The following IPO5 variants were observed in gnomAD, a reference collection of about 807,000 sequenced individuals.
IPO5 encodes importin 5.
In IPO5, 18 loss-of-function variants were observed where a neutral mutation model predicts 143.3. That is an observed-to-expected ratio of 0.13 (90% CI 0.09 to 0.19). IPO5 has a LOEUF of 0.19. Among genes scored for constraint, IPO5 ranks in the 10% least tolerant of loss-of-function variants. IPO5 has a pLI of 1.00. For missense variants in IPO5, 1,013 were observed against 1,336.9 expected (o/e 0.76, Z 3.78); for synonymous variants, 477 against 465.7 (o/e 1.02, Z -0.31).
At chr13:97,994,901 A>G (rs906025753) in intron 11 of IPO5, among the ~76,000 whole-genome samples, 4 of 152,122 alleles carry the variant, frequency 2.6e-5, no homozygotes, top group Non-Finnish European at 5.9e-5. Context: ...CAAGGTGGGT[A>G]AATTATGTGA....
chr13:97,993,245 A>C lies in IPO5; in HGVS notation c.913+20A>C. 6.2e-7 allele frequency: 1 copy of C among 1,611,022 alleles called. No individual in the cohort carries two copies. Among genetic ancestry groups the C allele is most frequent in the Non-Finnish European group, 8.5e-7 (1 of 1,178,814 alleles). ...AGACTAGTAAGTCAATGGTCTTCAG[A>C]TAGTTTATGTGTATTGTGGCCAAAT... On this transcript the variant is annotated intron_variant, in intron 11 of 28. Transcript: ENST00000651721.
chr13:98,008,026 T>G, intron 17 of IPO5, 33 bp from the exon 18 acceptor site: 1 of 1,398,986 alleles, frequency 7.1e-7, no homozygotes, highest in South Asian at 1.2e-5. Flanking sequence ...AAATTCGGTA[T>G]CAACAAGTGT....
intron 3 of IPO5, among the ~76,000 whole-genome samples, chr13:97,972,956 A>G (rs932984048): frequency 2.0e-5 from 3 of 151,164 alleles, no homozygotes; most frequent in Non-Finnish European, 4.4e-5. Flanking sequence ...ACCTTCCACC[A>G]TTTGATCTCC....
In IPO5 at chr13:98,002,904, A is replaced by G. The variant is rs1318893484; in HGVS notation, c.1364A>G (p.Asn455Ser). 4 of 1,613,944 alleles carry G rather than the reference A, an allele frequency of 2.5e-6. No homozygotes were observed. The highest frequency in any genetic ancestry group is 3.4e-6 in the Non-Finnish European group (4 of 1,179,906). Residue 455 changes from asparagine to serine, a missense_variant, in exon 16 of 29, where the codon AAT (asparagine) becomes AGT (serine). Asn to Ser is a conservative substitution (Grantham distance 46, BLOSUM62 1). This residue lies in a region of IPO5 where 685 missense variants were observed against 994.9 expected (regional missense o/e 0.69). Transcript: ENST00000651721. ...CTGCAGACCATGGAAGACCAAGGCA[A>G]TCAACGTGTGCAGGCCCATGCAGCT... ...ALLQTMEDQG[N>S]QRVQAHAAAA...
chr13:97,989,137 T>A lies in IPO5; in HGVS notation c.440T>A (p.Leu147Gln). Residue 147 changes from leucine to glutamine, a missense_variant, in exon 7 of 29, where the codon CTG (leucine) becomes CAG (glutamine). Coordinates refer to ENST00000651721, the MANE Select transcript of IPO5 (RefSeq NM_002271.6). ...TCAGTCAGCTCTCAAAATGTGGGACTGCGGGAAGCTGCCCTTCACATTTTC... is the reference window on the plus strand; with the variant it reads ...TCAGTCAGCTCTCAAAATGTGGGACAGCGGGAAGCTGCCCTTCACATTTTC... Reference protein sequence around the residue: ...FDSVSSQNVGLREAALHIFWN... With the variant: ...FDSVSSQNVGQREAALHIFWN... 1 of 1,611,438 alleles carries A rather than the reference T, an allele frequency of 6.2e-7. No individual in the cohort carries two copies. Among genetic ancestry groups the A allele is most frequent in the Non-Finnish European group, 8.5e-7 (1 of 1,177,596 alleles).
chr13:97,967,621 A>C (rs1013034843), intron 2 of IPO5, among the ~76,000 whole-genome samples: 4 of 151,688 alleles, frequency 2.6e-5, no homozygotes, highest in African/African-American at 9.7e-5. Flanking sequence ...ATTCATCTGA[A>C]AGTATTTTCT....
At chr13:97,988,978 A>G in intron 6 of IPO5, 84 bp from the exon 7 acceptor site, 1 of 698,830 alleles carries the variant, frequency 1.4e-6, no homozygotes, top group African/African-American at 1.8e-5. Flanking sequence ...GGTTTGAATG[A>G]GGCTTATGAA....
At chr13:98,016,940 A>G (rs1890154621) in intron 25 of IPO5, 89 bp downstream of exon 25, 2 of 971,520 alleles carry the variant, frequency 2.1e-6, no homozygotes, top group Admixed American at 2.9e-5. Flanking sequence ...TGAAGTTAAA[A>G]TGGGTCTCAG....
intron 11 of IPO5, among the ~76,000 whole-genome samples, chr13:97,994,023 A>ATGGC (rs1161974089): frequency 6.6e-6 from 1 of 152,216 alleles, no homozygotes; most frequent in Admixed American, 6.5e-5. Flanking sequence ...ATTAGAAACA[A>ATGGC]TGGCTGGGTG....
At chr13:97,977,421 C>A (rs976912980) in intron 4 of IPO5, among the ~76,000 whole-genome samples, 4 of 152,142 alleles carry the variant, frequency 2.6e-5, no homozygotes, top group Admixed American at 1.3e-4. Context: ...GGGTTTCTTT[C>A]TATGCAGTTT....
At chr13:98,000,689 T>C in intron 13 of IPO5, 44 bp downstream of exon 13, 2 of 1,271,938 alleles carry the variant, frequency 1.6e-6, no homozygotes, top group Non-Finnish European at 2.3e-6. Flanking sequence ...AGTTGTGCCC[T>C]TTCTAAAGCT....
chr13:98,010,020 G>A lies in IPO5; in HGVS notation c.1933+7G>A. The A allele has an allele frequency of 1.9e-6, 3 of 1,613,908 alleles. No individual in the cohort carries two copies. Among genetic ancestry groups the A allele is most frequent in the Non-Finnish European group, 2.5e-6 (3 of 1,179,952 alleles). ...GAAGTAGCCCTTTTAGATAGTAGGT[G>A]TCTTTAGAAGGAGCTATCGGTTATA... On this transcript the variant is annotated splice_region_variant and intron_variant, in intron 19 of 28. Transcript: ENST00000651721.
intron 2 of IPO5, among the ~76,000 whole-genome samples, chr13:97,966,206 G>GTCTTGA (rs1351413047): frequency 6.6e-6 from 1 of 150,424 alleles, no homozygotes; most frequent in Non-Finnish European, 1.5e-5. Context: ...AGACATTCTT[G>GTCTTGA]TCTTGATCTC....
chr13:97,974,482 G>T (rs1181595646), intron 3 of IPO5, among the ~76,000 whole-genome samples: 1 of 151,644 alleles, frequency 6.6e-6, no homozygotes, highest in Non-Finnish European at 1.5e-5. Context: ...GCTAATTTTT[G>T]TATTTTTAGT....
chr13:97,960,423 TA>T (rs1228635778), intron 2 of IPO5: 1 of 152,158 alleles, frequency 6.6e-6, no homozygotes, highest in South Asian at 2.1e-4. Flanking sequence ...CTGTGAATGA[TA>T]GGGGGAAAAA....
At chr13:97,958,123 C>T in intron 2 of IPO5, among the ~76,000 whole-genome samples, 1 of 152,196 alleles carries the variant, frequency 6.6e-6, no homozygotes, top group East Asian at 1.9e-4. Context: ...AGGGCCTGGC[C>T]TCAGGTGGAG....
chr13:97,959,440 A>C (rs2139478248), intron 2 of IPO5, among the ~76,000 whole-genome samples: 1 of 151,482 alleles, frequency 6.6e-6, no homozygotes, highest in South Asian at 2.1e-4. Context: ...CTCTCAAAAG[A>C]CTGTCCCGGC....
At chr13:97,975,588 A>G (rs1594040523) in intron 3 of IPO5, 2 of 152,398 alleles carry the variant, frequency 1.3e-5, no homozygotes, top group Middle Eastern at 6.8e-3. Flanking sequence ...CAGGAGTTAA[A>G]GAACATCGCG....
chr13:98,013,057 A>G (rs1157446326), intron 21 of IPO5, among the ~76,000 whole-genome samples: 1 of 151,778 alleles, frequency 6.6e-6, no homozygotes, highest in African/African-American at 2.4e-5. Context: ...ATCACTTGGC[A>G]CATCTGCATT....
Sources: allele counts gnomAD v4.1 joint callset (sites outside exome capture counted in the v4.1 genomes callset), GRCh38; gene constraint gnomAD v4.1.1; regional missense constraint gnomAD v4.1.1; transcripts MANE v1.5; gene names NCBI Gene and HGNC (gene_info 2026-07-23, HGNC 2026-07-21).